The following ABI1 variants were observed in gnomAD, a reference collection of about 807,000 sequenced individuals.
ABI1 encodes the protein Abelson interactor 1.
A neutral mutation model predicts 54.6 loss-of-function variants in ABI1; 14 were observed. That is an observed-to-expected ratio of 0.26 (90% CI 0.17 to 0.40). ABI1 has a LOEUF of 0.40. Ranked by LOEUF, ABI1 falls within the 10% of genes least tolerant of loss-of-function variation. The pLI, the probability that ABI1 is intolerant of heterozygous loss-of-function variation, is 1.00. For missense variants in ABI1, 443 were observed against 598.3 expected, an observed-to-expected ratio of 0.74 and a Z score of 2.71; for synonymous variants, 194 against 209.3, an observed-to-expected ratio of 0.93 and a Z score of 0.63.
rs147957853 is a variant in ABI1 at position 26,843,453 on chromosome 10, C to CAAAAAAAAA, written c.117+17285_117+17293dup. 2.6e-4 allele frequency among the ~76,000 whole-genome samples: 14 copies of CAAAAAAAAA among 53,072 alleles called. 1 individual carries two copies. Among genetic ancestry groups the CAAAAAAAAA allele is most frequent in the Non-Finnish European group, 4.8e-4 (12 of 24,852 alleles). 34.8% of individuals were successfully genotyped at this position (53,072 alleles called of 152,430 possible). ...TTTATGACATAGCAAGACTCCGTCT[C>CAAAAAAAAA]AAAAAAAAAAAAAAAAAAAAAAAAA... is the stretch of plus-strand genomic sequence containing the variant. On this transcript the variant is annotated intron_variant, in intron 1 of 10. Transcript: ENST00000376140.
At chr10:26,824,090 GA>G (rs75195830) in intron 1 of ABI1, among the ~76,000 whole-genome samples, 2 of 147,240 alleles carry the variant, frequency 1.4e-5, no homozygotes, top group African/African-American at 2.5e-5. Flanking sequence ...GTTCTACACA[GA>G]AAAAAAAAAT....
intron 2 of ABI1, among the ~76,000 whole-genome samples, chr10:26,811,149 T>G (rs190190441): frequency 2.6e-5 from 4 of 152,286 alleles, no homozygotes; most frequent in Non-Finnish European, 5.9e-5. Flanking sequence ...GGCTCTCTGC[T>G]AGGTGCTATT....
At position 26,765,210 on chromosome 10, in the gene ABI1, T is replaced by G. The variant is rs757204294; in HGVS notation, c.820+8A>C. The G allele has an allele frequency of 6.3e-7, 1 of 1,581,940 alleles. No individual in the cohort carries two copies. Among genetic ancestry groups the G allele is most frequent in the Non-Finnish European group, 8.6e-7 (1 of 1,161,312 alleles). On this transcript the variant is annotated splice_region_variant and intron_variant, in intron 7 of 10. Transcript: ENST00000376140. Reference sequence around the variant, plus strand: ...CATGTATTAAACATAGATTAATAAATAACACACCTGGTCCAATAGTGGGTG... The same window carrying G: ...CATGTATTAAACATAGATTAATAAAGAACACACCTGGTCCAATAGTGGGTG...
intron 1 of ABI1, among the ~76,000 whole-genome samples, chr10:26,849,486 G>A (rs1210106433): frequency 6.6e-6 from 1 of 152,128 alleles, no homozygotes; most frequent in Non-Finnish European, 1.5e-5. Context: ...AAGTATGATG[G>A]CTCCTGTTAG....
intron 3 of ABI1, among the ~76,000 whole-genome samples, chr10:26,775,824 C>T (rs1841342031): frequency 6.6e-6 from 1 of 151,990 alleles, no homozygotes; most frequent in Non-Finnish European, 1.5e-5. Flanking sequence ...CAAGGTGAGG[C>T]AAAATGGGGA....
At chr10:26,773,003 G>T (rs1299128676) in intron 3 of ABI1, among the ~76,000 whole-genome samples, 1 of 151,962 alleles carries the variant, frequency 6.6e-6, no homozygotes, top group African/African-American at 2.4e-5. Flanking sequence ...CTTGAGCCTA[G>T]AAAGTTGTGA....
chr10:26,764,734 C>T (rs1163668912), intron 7 of ABI1, among the ~76,000 whole-genome samples: 2 of 152,180 alleles, frequency 1.3e-5, no homozygotes, highest in South Asian at 2.1e-4. Context: ...TTTCTTGTCA[C>T]TATTCCCTAA....
intron 7 of ABI1, 81 bp from the exon 8 acceptor site, chr10:26,759,319 G>A (rs1838789660): frequency 1.7e-6 from 2 of 1,168,052 alleles, no homozygotes; most frequent in Non-Finnish European, 2.3e-6. Flanking sequence ...AAGCAGGAGG[G>A]GGCCTCAGTA....
intron 1 of ABI1, among the ~76,000 whole-genome samples, chr10:26,825,780 A>G (rs112574657): frequency 9.1e-4 from 139 of 152,360 alleles, no homozygotes; most frequent in African/African-American, 3.3e-3. Context: ...CAAGGTTCAC[A>G]GCGTCTTCAG....
rs1234762661 is a variant in ABI1 at position 26,747,791 on chromosome 10, T to C, written c.*779A>G. The C allele has an allele frequency of 1.0e-5, 2 of 195,042 alleles. No individual in the cohort carries two copies. The allele number at this position is 195,042 out of a possible 1,614,324, so 12.1% of individuals were successfully genotyped here. On this transcript the variant is annotated 3_prime_UTR_variant, in exon 11 of 11. Transcript: ENST00000376140. ...TAAAATTTTTTTCCAAGTTAACATATTGAGAAAATAGAATCATAATTCTGC... is the reference window on the plus strand; with the variant it reads ...TAAAATTTTTTTCCAAGTTAACATACTGAGAAAATAGAATCATAATTCTGC...
intron 3 of ABI1, among the ~76,000 whole-genome samples, chr10:26,774,835 T>A (rs78973287): frequency 0.089 from 13,454 of 151,788 alleles, 685 homozygotes; most frequent in East Asian, 0.2. Flanking sequence ...ATATAATTTT[T>A]AAAATTCTGT....
chr10:26,807,626 A>T (rs1335601727), intron 2 of ABI1, among the ~76,000 whole-genome samples: 1 of 152,108 alleles, frequency 6.6e-6, no homozygotes, highest in Non-Finnish European at 1.5e-5. Context: ...CTCAGCCTGT[A>T]ATACAGGCAA....
At chr10:26,859,484 G>C (rs2051121025) in intron 1 of ABI1, among the ~76,000 whole-genome samples, 1 of 152,132 alleles carries the variant, frequency 6.6e-6, no homozygotes, top group Non-Finnish European at 1.5e-5. Context: ...GCACGTTTTG[G>C]CCTTGCCTTA....
At chr10:26,778,295 T>G (rs565057199) in intron 2 of ABI1, among the ~76,000 whole-genome samples, 1 of 152,192 alleles carries the variant, frequency 6.6e-6, no homozygotes, top group East Asian at 1.9e-4. Flanking sequence ...ATACAACTGC[T>G]CAACAACTTA....
At chr10:26,817,229 A>C (rs1406475848) in intron 2 of ABI1, among the ~76,000 whole-genome samples, 2 of 151,986 alleles carry the variant, frequency 1.3e-5, no homozygotes, top group African/African-American at 2.4e-5. Flanking sequence ...CAAACTCCTG[A>C]CCTCAAATGA....
rs181070685 is a variant in ABI1, at chr10:26,813,493, T to C, written c.285+9645A>G. Among the ~76,000 whole-genome samples, 395 of 152,318 alleles carry C rather than the reference T, an allele frequency of 2.6e-3. 6 individuals carry two copies. Among genetic ancestry groups the C allele is most frequent in the Non-Finnish European group, 6.6e-4 (45 of 68,024 alleles). ...TGATTCTTTTAAAATGGGAGCATGA[T>C]GGCCTGCATATAATATTCGCAATAC... On this transcript the variant is annotated intron_variant, in intron 2 of 10. Transcript: ENST00000376140.
At chr10:26,787,380 C>T (rs2133110341) in intron 2 of ABI1, among the ~76,000 whole-genome samples, 1 of 152,182 alleles carries the variant, frequency 6.6e-6, no homozygotes, top group Admixed American at 6.5e-5. Context: ...TCATGGAATC[C>T]ACAACTCTCC....
intron 2 of ABI1, among the ~76,000 whole-genome samples, chr10:26,809,887 A>T (rs2047120899): frequency 6.6e-6 from 1 of 152,140 alleles, no homozygotes; most frequent in Non-Finnish European, 1.5e-5. Context: ...TGGAAGCTCT[A>T]TGTTTGGAAA....
At chr10:26,796,535 G>A (rs371522664) in intron 2 of ABI1, among the ~76,000 whole-genome samples, 4 of 151,126 alleles carry the variant, frequency 2.6e-5, no homozygotes, top group Admixed American at 2.0e-4. Flanking sequence ...CTAGGTTTGC[G>A]TAAGTACACT....
Sources: allele counts gnomAD v4.1 joint callset (sites outside exome capture counted in the v4.1 genomes callset), GRCh38; gene constraint gnomAD v4.1.1; transcripts MANE v1.5; gene names NCBI Gene and HGNC (gene_info 2026-07-23, HGNC 2026-07-21).